CHRM3: variants seen among roughly 807,000 people sequenced by gnomAD.
CHRM3 encodes muscarinic acetylcholine receptor M3.
CHRM3 carries 11 observed loss-of-function variants against 41.8 expected under a neutral mutation model. That is an observed-to-expected ratio of 0.26 (90% confidence interval 0.17 to 0.44). CHRM3 has a LOEUF of 0.44. Ranked by LOEUF, CHRM3 falls within the 20% of genes least tolerant of loss-of-function variation. The pLI, the probability that CHRM3 is intolerant of heterozygous loss-of-function variation, is 1.00. For missense variants in CHRM3, 571 were observed against 745.4 expected, an observed-to-expected ratio of 0.77 and a Z score of 2.72; for synonymous variants, 297 against 301.4, an observed-to-expected ratio of 0.99 and a Z score of 0.15.
chr1:239,559,501 A>G (rs1660669521), intron 3 of CHRM3, among the ~76,000 whole-genome samples: 1 of 152,200 alleles, frequency 6.6e-6, no homozygotes, highest in African/African-American at 2.4e-5. Flanking sequence ...CAACCACTAC[A>G]TCAAACTTTA....
At chr1:239,398,105 T>C (rs1659651735) in intron 1 of CHRM3, among the ~76,000 whole-genome samples, 3 of 152,148 alleles carry the variant, frequency 2.0e-5, no homozygotes, top group Admixed American at 2.0e-4. Context: ...TTGAGGAACC[T>C]AGAGATAGCA....
chr1:239,808,183 C>G (rs921994324), intron 5 of CHRM3, among the ~76,000 whole-genome samples: 1 of 152,246 alleles, frequency 6.6e-6, no homozygotes, highest in African/African-American at 2.4e-5. Context: ...AGGAAGACAG[C>G]CCTAGAGAAA....
intron 6 of CHRM3, among the ~76,000 whole-genome samples, chr1:239,874,324 T>G (rs866874157): frequency 8.4e-6 from 1 of 118,572 alleles, no homozygotes; most frequent in East Asian, 2.6e-4. Flanking sequence ...TATATATATA[T>G]ATACACAGTT....
At chr1:239,534,610 G>T (rs1658012161) in intron 2 of CHRM3, among the ~76,000 whole-genome samples, 1 of 152,152 alleles carries the variant, frequency 6.6e-6, no homozygotes, top group African/African-American at 2.4e-5. Flanking sequence ...CTCTGAAACA[G>T]AAAACAAAGA....
At chr1:239,441,762 A>G (rs1663741192) in intron 1 of CHRM3, among the ~76,000 whole-genome samples, 2 of 152,216 alleles carry the variant, frequency 1.3e-5, no homozygotes, top group African/African-American at 4.8e-5. Context: ...GCTACTAATT[A>G]TAAGTGAAAC....
chr1:239,482,996 T>C (rs1666957783), intron 1 of CHRM3, among the ~76,000 whole-genome samples: 1 of 152,224 alleles, frequency 6.6e-6, no homozygotes, highest in Non-Finnish European at 1.5e-5. Flanking sequence ...CGCTTCTGAT[T>C]TCACAATCGA....
chr1:239,693,006 T>C (rs886242392), intron 5 of CHRM3, among the ~76,000 whole-genome samples: 1 of 152,230 alleles, frequency 6.6e-6, no homozygotes, highest in African/African-American at 2.4e-5. Context: ...AGTGTACATC[T>C]TAAGTGCATT....
chr1:239,584,902 C>T (rs913846429), intron 3 of CHRM3, among the ~76,000 whole-genome samples: 9 of 152,078 alleles, frequency 5.9e-5, no homozygotes, highest in African/African-American at 1.4e-4. Flanking sequence ...ATTAAGAACT[C>T]AAATTCATGT....
At chr1:239,609,573 CTT>C (rs1169940611) in intron 3 of CHRM3, among the ~76,000 whole-genome samples, 2 of 152,228 alleles carry the variant, frequency 1.3e-5, no homozygotes, top group Non-Finnish European at 1.5e-5. Flanking sequence ...CTGCCAAACT[CTT>C]TTTTCAAAAC....
At chr1:239,650,958 A>G (rs1172280980) in intron 4 of CHRM3, among the ~76,000 whole-genome samples, 1 of 152,242 alleles carries the variant, frequency 6.6e-6, no homozygotes, top group African/African-American at 2.4e-5. Context: ...ATATATGTAA[A>G]TATATGTAAA....
intron 1 of CHRM3, among the ~76,000 whole-genome samples, chr1:239,418,333 TTGTGTGTG>T (rs145265251): frequency 6.6e-6 from 1 of 150,422 alleles, no homozygotes; most frequent in African/African-American, 2.4e-5. Flanking sequence ...AGATGTTGCT[TTGTGTGTG>T]TGTGTGTGTG....
At chr1:239,443,312 G>A (rs1298770832) in intron 1 of CHRM3, among the ~76,000 whole-genome samples, 2 of 152,180 alleles carry the variant, frequency 1.3e-5, no homozygotes, top group Non-Finnish European at 2.9e-5. Flanking sequence ...AGAGTCTCCT[G>A]ATATGGTATT....
At chr1:239,657,758 A>G (rs4659552) in intron 4 of CHRM3, among the ~76,000 whole-genome samples, 67,459 of 152,018 alleles carry the variant, frequency 0.44, 15,809 homozygotes, top group East Asian at 0.71. Flanking sequence ...AAAAATGTTC[A>G]CATTTATAGG....
chr1:239,391,116 C>G (rs990277823), intron 1 of CHRM3, among the ~76,000 whole-genome samples: 1 of 152,168 alleles, frequency 6.6e-6, no homozygotes, highest in Non-Finnish European at 1.5e-5. Flanking sequence ...CCAGCCTGTA[C>G]GAGAGTCTGA....
intron 5 of CHRM3, among the ~76,000 whole-genome samples, chr1:239,815,057 T>A (rs1671464202): frequency 6.6e-6 from 1 of 152,174 alleles, no homozygotes; most frequent in Non-Finnish European, 1.5e-5. Context: ...ATTACAGGCA[T>A]GAGCCACCAT....
intron 5 of CHRM3, among the ~76,000 whole-genome samples, chr1:239,730,706 C>G (rs1663890235): frequency 6.6e-6 from 1 of 151,870 alleles, no homozygotes; most frequent in Admixed American, 6.6e-5. Flanking sequence ...TGAAGAGCAG[C>G]ACAATTTTCA....
At chr1:239,880,987 A>C (rs2102870179) in intron 6 of CHRM3, among the ~76,000 whole-genome samples, 1 of 152,300 alleles carries the variant, frequency 6.6e-6, no homozygotes, top group East Asian at 1.9e-4. Flanking sequence ...GCTAAGTAAA[A>C]GAATACAACC....
chr1:239,597,858 G>GTTTT (rs35067421), intron 3 of CHRM3, among the ~76,000 whole-genome samples: 17,814 of 120,688 alleles, frequency 0.15, 1,638 homozygotes, highest in African/African-American at 0.16. Context: ...AACTGTCAGA[G>GTTTT]TTTTTTTTTT....
intron 3 of CHRM3, among the ~76,000 whole-genome samples, chr1:239,600,427 T>A (rs1665375485): frequency 6.6e-6 from 1 of 152,056 alleles, no homozygotes; most frequent in Non-Finnish European, 1.5e-5. Flanking sequence ...TAGGCATTTT[T>A]CCAGATTGTG....
Sources: allele counts gnomAD v4.1 joint callset (sites outside exome capture counted in the v4.1 genomes callset), GRCh38; gene constraint gnomAD v4.1.1; transcripts MANE v1.5; gene names NCBI Gene and HGNC (gene_info 2026-07-23, HGNC 2026-07-21).